Variants in GLIS1 observed in about 807,000 individuals in gnomAD.
The protein encoded by GLIS1 is zinc finger protein GLIS1.
A neutral mutation model predicts 63.8 loss-of-function variants in GLIS1; 24 were observed. That is an observed-to-expected ratio of 0.38 (90% CI 0.27 to 0.53). The LOEUF (loss-of-function observed/expected upper bound fraction) is 0.53, where lower values mean the gene tolerates loss of function less well. Ranked by LOEUF, GLIS1 falls within the 20% of genes least tolerant of loss-of-function variation. The pLI, the probability that GLIS1 is intolerant of heterozygous loss-of-function variation, is 0.85. For synonymous variants in GLIS1, 450 were observed against 482.5 expected, an observed-to-expected ratio of 0.93 and a Z score of 0.88; for missense variants, 1,036 against 1,074.1, an observed-to-expected ratio of 0.96 and a Z score of 0.50.
At chr1:53,600,337 G>GT in intron 2 of GLIS1, 59 bp from the exon 3 acceptor site, 1 of 1,160,090 alleles carries the variant, frequency 8.6e-7, no homozygotes, top group Non-Finnish European at 1.1e-6. Flanking sequence ...CTGCAGAGGG[G>GT]TATGGGGAGA....
intron 4 of GLIS1, among the ~76,000 whole-genome samples, chr1:53,540,564 A>G (rs1644633360): frequency 6.6e-6 from 1 of 152,182 alleles, no homozygotes; most frequent in African/African-American, 2.4e-5. Flanking sequence ...GCTCAGTAAC[A>G]TTAGTCCCCT....
chr1:53,525,585 C>T (rs1644459639), intron 5 of GLIS1, among the ~76,000 whole-genome samples: 1 of 149,420 alleles, frequency 6.7e-6, no homozygotes, highest in Admixed American at 6.6e-5. Flanking sequence ...GACCCCAAAT[C>T]CATCCCCACT....
At chr1:53,685,557 C>G (rs1308402267) in intron 2 of GLIS1, among the ~76,000 whole-genome samples, 1 of 152,206 alleles carries the variant, frequency 6.6e-6, no homozygotes, top group Non-Finnish European at 1.5e-5. Flanking sequence ...GCTGACTCTC[C>G]GAAGCCAAAA....
chr1:53,636,022 A>G (rs1467278097), intron 2 of GLIS1, among the ~76,000 whole-genome samples: 1 of 152,220 alleles, frequency 6.6e-6, no homozygotes, highest in African/African-American at 2.4e-5. Context: ...CATTCAAGAA[A>G]GAAATAATTC....
intron 2 of GLIS1, among the ~76,000 whole-genome samples, chr1:53,673,088 G>C (rs902795542): frequency 9.2e-5 from 14 of 152,170 alleles, no homozygotes; most frequent in African/African-American, 2.9e-4. Flanking sequence ...CCTAAGTGGC[G>C]CCAGTGGAGG....
chr1:53,600,641 C>T (rs1645307388), intron 2 of GLIS1, among the ~76,000 whole-genome samples: 1 of 152,156 alleles, frequency 6.6e-6, no homozygotes, highest in South Asian at 2.1e-4. Flanking sequence ...TCACGTTAAC[C>T]ACACGGTGCT....
chr1:53,697,620 G>A (rs946610900), intron 2 of GLIS1, among the ~76,000 whole-genome samples: 1 of 152,188 alleles, frequency 6.6e-6, no homozygotes, highest in African/African-American at 2.4e-5. Flanking sequence ...CAGCAGAGGA[G>A]GAAGGAGAAA....
At chr1:53,666,721 C>G (rs1331686355) in intron 2 of GLIS1, among the ~76,000 whole-genome samples, 1 of 152,228 alleles carries the variant, frequency 6.6e-6, no homozygotes, top group African/African-American at 2.4e-5. Context: ...CAGAAATAAT[C>G]CCATGCACCT....
In GLIS1 at chr1:53,719,223, G is replaced by A. The variant is rs79642330; in HGVS notation, c.259+18583C>T. 5.6e-3 allele frequency among the ~76,000 whole-genome samples: 857 copies of A among 152,304 alleles called. 10 individuals are homozygous for A. Among genetic ancestry groups the A allele is most frequent in the African/African-American group, 0.02 (817 of 41,548 alleles). On this transcript the variant is annotated intron_variant, in intron 2 of 10. Transcript: ENST00000628545. Reference sequence around the variant, plus strand: ...CTCCAACCACAGTCTTTCGTGTTCCGTATTTCCAGGCATGGATCAAATGCA... The same window carrying A: ...CTCCAACCACAGTCTTTCGTGTTCCATATTTCCAGGCATGGATCAAATGCA...
At chr1:53,609,624 T>G (rs1645406484) in intron 2 of GLIS1, among the ~76,000 whole-genome samples, 1 of 152,234 alleles carries the variant, frequency 6.6e-6, no homozygotes, top group South Asian at 2.1e-4. Context: ...TTACCTTCTT[T>G]CAAATTAATC....
In GLIS1 at chr1:53,526,901, T is replaced by C. The variant is rs908023805; in HGVS notation, c.1483-2014A>G. Among the ~76,000 whole-genome samples, 2 of 152,266 alleles carry C rather than the reference T, an allele frequency of 1.3e-5. No individual in the cohort carries two copies. The highest frequency in any genetic ancestry group is 4.8e-5 in the African/African-American group (2 of 41,472). The stretch of plus-strand genomic sequence containing the variant: ...GCCAGCAGCCAAGCTCCGCCTGGAA[T>C]GGCCATGTGGGCTGCAGCGCCGGGC... On this transcript the variant is annotated intron_variant, in intron 5 of 10. Transcript: ENST00000628545. This position sits in a 1 kb window ranked among gnomAD's most constrained non-coding sequence, Gnocchi z 4.4.
At chr1:53,583,916 G>A (rs1432791270) in intron 4 of GLIS1, among the ~76,000 whole-genome samples, 1 of 152,218 alleles carries the variant, frequency 6.6e-6, no homozygotes, top group African/African-American at 2.4e-5. Context: ...ATGTGCTGGA[G>A]GCAGTTTCCG....
intron 2 of GLIS1, among the ~76,000 whole-genome samples, chr1:53,730,277 G>A (rs555153206): frequency 6.6e-6 from 1 of 152,232 alleles, no homozygotes; most frequent in East Asian, 1.9e-4. Flanking sequence ...AGTGGATCCT[G>A]GCAACCTCTG....
chr1:53,561,966 G>A (rs1197902447), intron 4 of GLIS1, among the ~76,000 whole-genome samples: 1 of 152,174 alleles, frequency 6.6e-6, no homozygotes, highest in African/African-American at 2.4e-5. Flanking sequence ...TGTCCACAGA[G>A]CCAGCAAGTG....
chr1:53,709,379 T>TATATATAC (rs1557534363), intron 2 of GLIS1, among the ~76,000 whole-genome samples: 12 of 43,050 alleles, frequency 2.8e-4, no homozygotes, highest in Admixed American at 1.1e-3. Context: ...TATATATACA[T>TATATATAC]ATATACATAT....
chr1:53,515,455 T>C (rs1435166996), intron 7 of GLIS1, among the ~76,000 whole-genome samples: 1 of 151,990 alleles, frequency 6.6e-6, no homozygotes. Flanking sequence ...CCATGGATGG[T>C]TGCATGGGCG....
chr1:53,617,903 C>T (rs1645499617), intron 2 of GLIS1, among the ~76,000 whole-genome samples: 1 of 152,088 alleles, frequency 6.6e-6, no homozygotes, highest in South Asian at 2.1e-4. Context: ...TGGGGGTGAG[C>T]AGGACTGTGT....
rs1164944156 is a variant in GLIS1 at position 53,662,319 on chromosome 1, G to GC, written c.260-62042dup. 7.9e-5 allele frequency among the ~76,000 whole-genome samples: 12 copies of GC among 152,286 alleles called. No homozygotes were observed. The East Asian group carries it at 2.1e-3, about 27-fold the overall frequency. ...TCGAAACAGGCTTTCTGAAGAGTGG[G>GC]CCCCCGCAGGACCCAAGAGAAATGC... On this transcript the variant is annotated intron_variant, in intron 2 of 10. Transcript: ENST00000628545.
At chr1:53,717,242 C>A (rs545182007) in intron 2 of GLIS1, among the ~76,000 whole-genome samples, 1 of 152,190 alleles carries the variant, frequency 6.6e-6, no homozygotes, top group Non-Finnish European at 1.5e-5. Flanking sequence ...TAATAATAAT[C>A]TCTATCACCT....
Sources: gnomAD v4.1 joint callset for allele counts (sites outside exome capture counted in the v4.1 genomes callset) on GRCh38, gnomAD v4.1.1 for gene constraint, Gnocchi (gnomAD v3.1) non-coding constraint, MANE v1.5 for transcripts, NCBI Gene and HGNC (gene_info 2026-07-23, HGNC 2026-07-21) for gene names.